Variants in CLCN3 observed in about 807,000 individuals in gnomAD.
CLCN3 encodes the protein H(+)/Cl(-) exchange transporter 3.
A neutral mutation model predicts 83.4 loss-of-function variants in CLCN3; 16 were observed. That is an observed-to-expected ratio of 0.19 (90% CI 0.13 to 0.29). The LOEUF is 0.29. Among genes scored for constraint, CLCN3 ranks in the 10% least tolerant of loss-of-function variants. CLCN3 has a pLI of 1.00. For missense variants in CLCN3, 544 were observed against 1,006.0 expected (o/e 0.54, Z 6.21); for synonymous variants, 322 against 346.2 (o/e 0.93, Z 0.78).
Position 169,626,569 on chromosome 4 carries a change from C to G in CLCN3, c.-17+5506C>G, listed in dbSNP as rs116191937. 3.0e-3 allele frequency among the ~76,000 whole-genome samples: 457 copies of G among 152,324 alleles called. 2 individuals carry two copies. The highest frequency in any genetic ancestry group is 0.01 in the African/African-American group (422 of 41,576). On this transcript the variant is annotated intron_variant, in intron 1 of 12. Transcript: ENST00000513761. ...GAAGGTCTTATGACCCACAGTCAGACAGGCTGTGGAAGATTAGAGTTCTGC... is the reference window on the plus strand; with the variant it reads ...GAAGGTCTTATGACCCACAGTCAGAGAGGCTGTGGAAGATTAGAGTTCTGC...
intron 2 of CLCN3, among the ~76,000 whole-genome samples, chr4:169,652,392 G>C (rs1730755041): frequency 1.3e-5 from 2 of 152,188 alleles, no homozygotes; most frequent in Admixed American, 1.3e-4. Flanking sequence ...ATCATATAGT[G>C]TATATGTCTT....
At chr4:169,704,258 T>A in intron 10 of CLCN3, 74 bp downstream of exon 10, 3 of 1,415,522 alleles carry the variant, frequency 2.1e-6, no homozygotes, top group Non-Finnish European at 2.9e-6. Context: ...GGACACATTC[T>A]TGCTTAATTG....
chr4:169,655,486 C>T (rs959327395), intron 2 of CLCN3, among the ~76,000 whole-genome samples: 3 of 152,098 alleles, frequency 2.0e-5, no homozygotes, highest in African/African-American at 7.2e-5. Flanking sequence ...AATTGATCAT[C>T]GTGTGATGTT....
rs893355435 is a variant in CLCN3, at chr4:169,635,903, C to T, written c.-16-10C>T. ...TGAAAAATGTTAAAACTACTTTTTC[C>T]CCCCCACAGATAATCAGACAGCTAA... On this transcript the variant is annotated splice_polypyrimidine_tract_variant and intron_variant, in intron 1 of 12. Coordinates refer to ENST00000513761, the MANE Select transcript of CLCN3 (RefSeq NM_001829.4). The T allele has an allele frequency of 5.4e-6, 8 of 1,494,308 alleles. No individual in the cohort carries two copies. The highest frequency in any genetic ancestry group is 4.9e-5 in the East Asian group (2 of 41,144). 92.6% of individuals were successfully genotyped at this position (1,494,308 alleles called of 1,614,324 possible).
chr4:169,637,639 GT>G (rs200444794), intron 2 of CLCN3, among the ~76,000 whole-genome samples: 7 of 150,808 alleles, frequency 4.6e-5, no homozygotes, highest in African/African-American at 9.8e-5. Flanking sequence ...TATTCTTAGT[GT>G]TTTTTTTTGT....
At chr4:169,674,250 C>T (rs1477049973) in intron 2 of CLCN3, among the ~76,000 whole-genome samples, 2 of 152,018 alleles carry the variant, frequency 1.3e-5, no homozygotes, top group Non-Finnish European at 1.5e-5. Context: ...TGCAGAATTT[C>T]CCTTAGTTTG....
At chr4:169,644,435 T>C (rs890691363) in intron 2 of CLCN3, among the ~76,000 whole-genome samples, 1 of 152,116 alleles carries the variant, frequency 6.6e-6, no homozygotes, top group Admixed American at 6.5e-5. Context: ...TTTTTGTCTT[T>C]TTAGTAGAGA....
chr4:169,695,030 G>A (rs1732512778), intron 7 of CLCN3, among the ~76,000 whole-genome samples: 1 of 152,104 alleles, frequency 6.6e-6, no homozygotes, highest in Non-Finnish European at 1.5e-5. Context: ...TTTTTTTGTA[G>A]AGGTGTTGGT....
intron 2 of CLCN3, among the ~76,000 whole-genome samples, chr4:169,647,758 T>G (rs917079379): frequency 6.6e-6 from 1 of 152,250 alleles, no homozygotes; most frequent in Non-Finnish European, 1.5e-5. Flanking sequence ...ATAATTTATG[T>G]ACCCATTCCA....
chr4:169,685,092 CA>C (rs1414041803), intron 3 of CLCN3, among the ~76,000 whole-genome samples: 6 of 151,192 alleles, frequency 4.0e-5, no homozygotes, highest in Non-Finnish European at 5.9e-5. Flanking sequence ...GCAGAGATTA[CA>C]GACCTGAGCC....
At chr4:169,622,740 C>A (rs1263635378) in intron 1 of CLCN3, among the ~76,000 whole-genome samples, 1 of 152,124 alleles carries the variant, frequency 6.6e-6, no homozygotes, top group East Asian at 1.9e-4. Context: ...ACTGTCAGAA[C>A]TGAGACTGAA....
intron 11 of CLCN3, among the ~76,000 whole-genome samples, chr4:169,710,501 A>G (rs1733169211): frequency 6.6e-6 from 1 of 152,150 alleles, no homozygotes. Flanking sequence ...CCTGGGCTCA[A>G]ACGATCCACC....
At chr4:169,629,455 C>T (rs1169550143) in intron 1 of CLCN3, among the ~76,000 whole-genome samples, 1 of 152,100 alleles carries the variant, frequency 6.6e-6, no homozygotes, top group Non-Finnish European at 1.5e-5. Context: ...ACTGCAACCT[C>T]TGCCTCCTGG....
At chr4:169,698,460 G>A (rs1405970504) in intron 9 of CLCN3, among the ~76,000 whole-genome samples, 2 of 151,912 alleles carry the variant, frequency 1.3e-5, no homozygotes, top group Admixed American at 6.6e-5. Context: ...CTAGGGTGGT[G>A]GCCTCAGGGA....
intron 3 of CLCN3, among the ~76,000 whole-genome samples, chr4:169,685,988 G>T (rs908646490): frequency 6.6e-6 from 1 of 152,086 alleles, no homozygotes; most frequent in South Asian, 2.1e-4. Context: ...AAATAGACCC[G>T]ATTCTTGAAA....
At chr4:169,678,829 C>T (rs898539079) in intron 2 of CLCN3, among the ~76,000 whole-genome samples, 2 of 152,238 alleles carry the variant, frequency 1.3e-5, no homozygotes, top group African/African-American at 4.8e-5. Context: ...TCTACACAGA[C>T]ACAGTAACAA....
At chr4:169,690,767 GA>G (rs927857462) in intron 6 of CLCN3, 115 bp downstream of exon 6, 101 of 969,062 alleles carry the variant, frequency 1.0e-4, no homozygotes, top group East Asian at 2.7e-4. Flanking sequence ...TTCATAATAT[GA>G]AAAAAAAATT....
At chr4:169,621,890 T>C (rs1291240077) in intron 1 of CLCN3, among the ~76,000 whole-genome samples, 2 of 152,226 alleles carry the variant, frequency 1.3e-5, no homozygotes, top group Admixed American at 6.5e-5. Flanking sequence ...GGAGTACATA[T>C]GGGAGTTAAA....
In CLCN3 at chr4:169,713,108, G is replaced by A. The variant is rs145822355; in HGVS notation, c.2179G>A (p.Val727Ile). ...ESARKKQEGI[V>I]GSSRVCFAQH... Reference sequence around the variant, plus strand: ...TGCCAGGAAAAAACAAGAAGGTATCGTTGGCAGTTCTCGGGTGTGTTTTGC... The same window carrying A: ...TGCCAGGAAAAAACAAGAAGGTATCATTGGCAGTTCTCGGGTGTGTTTTGC... Residue 727 changes from valine (V) to isoleucine (I), a missense_variant, in exon 12 of 13, where the codon GTT becomes ATT. By Grantham distance (29) the Val-to-Ile change is conservative. Coordinates refer to ENST00000513761, the MANE Select transcript of CLCN3 (RefSeq NM_001829.4). 1.9e-5 allele frequency: 30 copies of A among 1,614,064 alleles called. No individual in the cohort carries two copies. The South Asian group carries it at 2.2e-4, about 12-fold the overall frequency.
Sources: gnomAD v4.1 joint callset for allele counts (sites outside exome capture counted in the v4.1 genomes callset) on GRCh38, gnomAD v4.1.1 for gene constraint, MANE v1.5 for transcripts, NCBI Gene and HGNC (gene_info 2026-07-23, HGNC 2026-07-21) for gene names.